Variants in SORCS2 observed in about 807,000 individuals in gnomAD.
SORCS2 encodes the protein sortilin related VPS10 domain containing receptor 2.
In SORCS2, 100 loss-of-function variants were observed where a neutral mutation model predicts 141.6. The observed-to-expected ratio is 0.71, with a 90% CI of 0.60 to 0.83. The LOEUF (loss-of-function observed/expected upper bound fraction) is 0.83, where lower values mean the gene tolerates loss of function less well. Among genes scored for constraint, SORCS2 ranks in the 40% least tolerant of loss-of-function variants. The pLI, the probability that SORCS2 is intolerant of heterozygous loss-of-function variation, is 0.00. For missense variants in SORCS2, 1,646 were observed against 1,560.2 expected (o/e 1.05, Z -0.93); for synonymous variants, 789 against 676.9 (o/e 1.17, Z -2.57).
rs574323058 is a variant in SORCS2 at position 7,645,717 on chromosome 4, G to C, written c.813+7225G>C. 2.6e-5 allele frequency among the ~76,000 whole-genome samples: 4 copies of C among 152,314 alleles called. No individual in the cohort carries two copies. The South Asian group carries it at 8.3e-4, about 32-fold the overall frequency. On this transcript the variant is annotated intron_variant, in intron 4 of 26. Coordinates refer to ENST00000507866, the MANE Select transcript of SORCS2 (RefSeq NM_020777.3). Reference sequence around the variant, plus strand: ...CTTATTAAAAGCTCCTTGCCCTCATGAAGCTTATGTTCTAGGGGATGAAAA... The same window carrying C: ...CTTATTAAAAGCTCCTTGCCCTCATCAAGCTTATGTTCTAGGGGATGAAAA...
intron 1 of SORCS2, among the ~76,000 whole-genome samples, chr4:7,306,165 G>C (rs1006350082): frequency 2.0e-5 from 3 of 152,188 alleles, no homozygotes; most frequent in African/African-American, 7.2e-5. Flanking sequence ...AGCTGCATGT[G>C]GGCTTGGGAG....
At position 7,681,653 on chromosome 4, in the gene SORCS2, G is replaced by A. The variant is rs529088465; in HGVS notation, c.1342-1090G>A. 3.9e-5 allele frequency among the ~76,000 whole-genome samples: 6 copies of A among 152,334 alleles called. No individual in the cohort carries two copies. In the South Asian group the frequency reaches 1.2e-3, roughly 32 times the overall value. The stretch of plus-strand genomic sequence containing the variant: ...TGACCATCTGTTATAGCAGCTGCTG[G>A]AAGCTCAGACCCCAGTCTGCTGGTT... On this transcript the variant is annotated intron_variant, in intron 9 of 26. Transcript: ENST00000507866.
chr4:7,638,355 G>A lies in SORCS2; in HGVS notation c.676G>A (p.Asp226Asn), dbSNP rs748330152. 3.9e-6 allele frequency: 6 copies of A among 1,522,848 alleles called. No individual in the cohort carries two copies. Among genetic ancestry groups the A allele is most frequent in the Non-Finnish European group, 5.3e-6 (6 of 1,141,238 alleles). The allele number at this position is 1,522,848 out of a possible 1,614,324, so 94.3% of individuals were successfully genotyped here. A position where few individuals can be genotyped will look rare whatever the true frequency, so the allele number is the denominator to read the frequency against. ...KVILVSSSLS[D>N]RDQSLFLSAD... ...CATCCTTGTCAGCTCCTCACTCAGT[G>A]ACCGGGACCAGAGCCTATTCCTCAG... The change falls in exon 4 of 27, where the codon GAC becomes AAC. Residue 226 changes from aspartate to asparagine, a missense_variant. By Grantham distance (23) the Asp-to-Asn change is conservative (BLOSUM62 1). Transcript: ENST00000507866.
At chr4:7,432,741 G>C (rs1224294904) in intron 2 of SORCS2, 1 of 152,272 alleles carries the variant, frequency 6.6e-6, no homozygotes, top group Non-Finnish European at 1.5e-5. Context: ...CAAAGCCCCA[G>C]ACCTCTCCCC....
At chr4:7,615,303 A>T (rs1248348223) in intron 3 of SORCS2, among the ~76,000 whole-genome samples, 1 of 152,230 alleles carries the variant, frequency 6.6e-6, no homozygotes, top group Non-Finnish European at 1.5e-5. Context: ...AAGTCAGGGC[A>T]TTGGACAAGT....
At chr4:7,579,108 C>G (rs111675608) in intron 3 of SORCS2, among the ~76,000 whole-genome samples, 73 of 152,274 alleles carry the variant, frequency 4.8e-4, no homozygotes, top group African/African-American at 1.7e-3. Context: ...CCAACACAAA[C>G]CCATCAATCC....
chr4:7,675,911 A>G lies in SORCS2; in HGVS notation c.1162-139A>G, dbSNP rs1723071756. The G allele has an allele frequency of 5.6e-6, 5 of 897,658 alleles. No individual in the cohort carries two copies. The South Asian group carries it at 6.7e-5, about 12-fold the overall frequency. The allele number at this position is 897,658 out of a possible 1,614,324, so 55.6% of individuals were successfully genotyped here. On this transcript the variant is annotated intron_variant, in intron 8 of 26. Transcript: ENST00000507866. ...CCACAGAGCCCAGAGCAGCCGAGCC[A>G]GGAGGCAAACCTAGGCCAGGCTGGC... is the stretch of plus-strand genomic sequence containing the variant.
At chr4:7,632,576 G>A (rs1359635828) in intron 3 of SORCS2, among the ~76,000 whole-genome samples, 2 of 152,126 alleles carry the variant, frequency 1.3e-5, no homozygotes, top group Non-Finnish European at 2.9e-5. Context: ...TCATTTCCTC[G>A]GGCTTTTTCT....
intron 1 of SORCS2, among the ~76,000 whole-genome samples, chr4:7,325,141 G>A (rs922436722): frequency 4.6e-5 from 7 of 152,192 alleles, no homozygotes; most frequent in Non-Finnish European, 8.8e-5. Context: ...TGGGTGGGGC[G>A]GGTGTTGGCC....
intron 2 of SORCS2, among the ~76,000 whole-genome samples, chr4:7,527,658 T>A (rs1177924242): frequency 6.6e-6 from 1 of 152,078 alleles, no homozygotes; most frequent in African/African-American, 2.4e-5. Flanking sequence ...CTGTGGGCCT[T>A]TGTTACAGCA....
At chr4:7,527,168 C>T (rs1004892699) in intron 2 of SORCS2, among the ~76,000 whole-genome samples, 16 of 152,212 alleles carry the variant, frequency 1.1e-4, no homozygotes, top group African/African-American at 3.1e-4. Context: ...ACACTGCTCC[C>T]GAACCAGCTC....
rs765132758 is a variant in SORCS2 at position 7,676,824 on chromosome 4, T to TCTCTCTCTCTCTCTCTCTCTCTCTCTCC, written c.1341+600_1341+601insTCTCTCTCTCTCTCTCTCTCTCCCTCTC. On this transcript the variant is annotated intron_variant, in intron 9 of 26. Transcript: ENST00000507866. ...TTCTGTCTCTCTCTCTCTCTCTCTC[T>TCTCTCTCTCTCTCTCTCTCTCTCTCTCC]CTCTCCCTCTCTCCACCCCAGCCCT... is the stretch of plus-strand genomic sequence containing the variant. Among the ~76,000 whole-genome samples, 155 of 49,090 alleles carry TCTCTCTCTCTCTCTCTCTCTCTCTCTCC rather than the reference T, an allele frequency of 3.2e-3. 46 individuals are homozygous for TCTCTCTCTCTCTCTCTCTCTCTCTCTCC. The highest frequency in any genetic ancestry group is 4.1e-3 in the Admixed American group (18 of 4,342). 32.2% of individuals were successfully genotyped at this position (49,090 alleles called of 152,430 possible). A position where few individuals can be genotyped will look rare whatever the true frequency, so the allele number is the denominator to read the frequency against.
At chr4:7,228,826 C>T (rs1484865188) in intron 1 of SORCS2, among the ~76,000 whole-genome samples, 1 of 152,200 alleles carries the variant, frequency 6.6e-6, no homozygotes. Flanking sequence ...CGACCAGGGC[C>T]ACCATCTAAA....
chr4:7,319,856 C>T (rs1022954637), intron 1 of SORCS2, among the ~76,000 whole-genome samples: 10 of 152,244 alleles, frequency 6.6e-5, no homozygotes, highest in Non-Finnish European at 8.8e-5. Flanking sequence ...CCACCTTGGC[C>T]GGGGCCTGTA....
At chr4:7,585,157 TG>T (rs1356757644) in intron 3 of SORCS2, among the ~76,000 whole-genome samples, 3 of 152,212 alleles carry the variant, frequency 2.0e-5, no homozygotes, top group African/African-American at 7.2e-5. Context: ...ATTTCCTCTC[TG>T]GGACTTATTT....
chr4:7,722,977 G>A (rs1726696396), intron 18 of SORCS2, among the ~76,000 whole-genome samples: 2 of 152,120 alleles, frequency 1.3e-5, no homozygotes, highest in African/African-American at 4.8e-5. Context: ...GGAAGGGAGG[G>A]AGGGAGAATG....
intron 3 of SORCS2, among the ~76,000 whole-genome samples, chr4:7,596,210 A>G (rs1321318147): frequency 6.6e-6 from 1 of 152,230 alleles, no homozygotes; most frequent in Non-Finnish European, 1.5e-5. Flanking sequence ...GTATAGAGAT[A>G]TGCAATCTAG....
At chr4:7,606,958 C>A (rs1023237230) in intron 3 of SORCS2, among the ~76,000 whole-genome samples, 6 of 152,162 alleles carry the variant, frequency 3.9e-5, no homozygotes, top group African/African-American at 2.4e-5. Flanking sequence ...GGGACAACAG[C>A]TGTTTCTGAA....
chr4:7,655,806 T>C (rs560920859), intron 5 of SORCS2, among the ~76,000 whole-genome samples: 2 of 152,330 alleles, frequency 1.3e-5, no homozygotes, highest in East Asian at 3.9e-4. Context: ...CAGGTCGCTC[T>C]GGGGGATTGG....
Sources: allele counts gnomAD v4.1 joint callset (sites outside exome capture counted in the v4.1 genomes callset), GRCh38; gene constraint gnomAD v4.1.1; transcripts MANE v1.5; gene names NCBI Gene and HGNC (gene_info 2026-07-23, HGNC 2026-07-21).